ZDBF2: variants seen among roughly 807,000 people sequenced by gnomAD.
The protein encoded by ZDBF2 is zinc finger DBF-type containing 2.
ZDBF2 carries 6 observed loss-of-function variants against 9.4 expected under a neutral mutation model. The ratio of observed to expected loss-of-function variants is 0.64; its 90% CI spans 0.35 to 1.27. The LOEUF (loss-of-function observed/expected upper bound fraction) is 1.27, where lower values mean the gene tolerates loss of function less well. ZDBF2 is among the 50% of genes most tolerant of loss of function. The pLI is 0.03. For synonymous variants in ZDBF2, 905 were observed against 946.3 expected (o/e 0.96, Z 0.80); for missense variants, 2,697 against 2,766.8 (o/e 0.97, Z 0.57).
At chr2:206,284,750 A>G (rs184763314) in intron 3 of ZDBF2, among the ~76,000 whole-genome samples, 1 of 152,256 alleles carries the variant, frequency 6.6e-6, no homozygotes, top group East Asian at 1.9e-4. Flanking sequence ...TGTGTGTGAG[A>G]TGGAGTCTTG....
chr2:206,288,618 C>T (rs1296277008), intron 3 of ZDBF2, among the ~76,000 whole-genome samples: 3 of 152,096 alleles, frequency 2.0e-5, no homozygotes, highest in African/African-American at 7.3e-5. Flanking sequence ...CCTATTGTTG[C>T]ACTTGGATCT....
At chr2:206,300,697 C>T (rs574155684) in intron 4 of ZDBF2, among the ~76,000 whole-genome samples, 2 of 152,064 alleles carry the variant, frequency 1.3e-5, no homozygotes, top group Admixed American at 6.6e-5. Context: ...ATGTAAATAC[C>T]TTGTTTCTTA....
Position 206,310,448 on chromosome 2 carries a change from C to A in ZDBF2, c.5920C>A (p.Arg1974Ser). 1.2e-6 allele frequency: 2 copies of A among 1,613,846 alleles called. No homozygotes were observed. Among genetic ancestry groups the A allele is most frequent in the Non-Finnish European group, 1.7e-6 (2 of 1,179,864 alleles). ...EEDPPKSKCS[R>S]LQDDRKTKKK... ...AGACCCACCAAAAAGTAAGTGTTCA[C>A]GTTTACAGGATGACAGAAAAACCAA... The change falls in exon 5 of 5, where the codon CGT (arginine) becomes AGT (serine). Residue 1974 changes from arginine to serine, a missense_variant. Physicochemically the swap from Arg to Ser is moderately radical, Grantham distance 110. This residue lies in a region of ZDBF2 where 1,783 missense variants were observed against 1,776.5 expected (regional missense o/e 1.00). Transcript: ENST00000374423.
At chr2:206,278,537 C>T (rs1375128888) in intron 1 of ZDBF2, among the ~76,000 whole-genome samples, 1 of 152,208 alleles carries the variant, frequency 6.6e-6, no homozygotes, top group Non-Finnish European at 1.5e-5. Context: ...CTTTTGAATA[C>T]TACCATGTCA....
intron 1 of ZDBF2, among the ~76,000 whole-genome samples, chr2:206,277,850 G>A (rs181671723): frequency 1.1e-4 from 16 of 152,144 alleles, no homozygotes; most frequent in Admixed American, 2.6e-4. Context: ...GGTTATGTGT[G>A]CATTTAAAAA....
At chr2:206,285,799 T>C (rs553056329) in intron 3 of ZDBF2, among the ~76,000 whole-genome samples, 2 of 152,182 alleles carry the variant, frequency 1.3e-5, no homozygotes, top group African/African-American at 4.8e-5. Flanking sequence ...TATATGTCTT[T>C]AATACATTTT....
chr2:206,290,832 A>C (rs763808816), intron 3 of ZDBF2, among the ~76,000 whole-genome samples: 26 of 151,966 alleles, frequency 1.7e-4, no homozygotes, highest in Non-Finnish European at 3.5e-4. Context: ...GGATGCCATT[A>C]TTTCTTTTTC....
At chr2:206,281,993 T>G (rs1691345890) in intron 3 of ZDBF2, 84 bp downstream of exon 3, 1 of 1,222,224 alleles carries the variant, frequency 8.2e-7, no homozygotes, top group Non-Finnish European at 1.2e-6. Flanking sequence ...AATTTATTTA[T>G]TCATTGAACA....
rs201802013 is a variant in ZDBF2, at chr2:206,310,646, C to T, written c.6118C>T (p.Arg2040Trp). The change falls in exon 5 of 5, where the codon CGG (arginine) becomes TGG (tryptophan). Residue 2040 changes from arginine (R) to tryptophan (W), a missense_variant. Physicochemically the swap from Arg to Trp is moderately radical, Grantham distance 101. This residue lies in a region of ZDBF2 where 1,783 missense variants were observed against 1,776.5 expected (regional missense o/e 1.00). Coordinates refer to ENST00000374423, the MANE Select transcript of ZDBF2 (RefSeq NM_020923.3). Reference protein sequence around the residue: ...MRHHSWDNDIRFICKYKRNIF... With the variant: ...MRHHSWDNDIWFICKYKRNIF... The stretch of plus-strand genomic sequence containing the variant: ...GCACCATAGTTGGGATAATGATATT[C>T]GGTTTATATGCAAATATAAACGGAA... The T allele has an allele frequency of 2.0e-3, 3,267 of 1,609,080 alleles. 9 individuals carry two copies. The highest frequency in any genetic ancestry group is 2.4e-3 in the Non-Finnish European group (2,803 of 1,177,310).
chr2:206,308,890 A>G lies in ZDBF2; in HGVS notation c.4362A>G (p.Ile1454Met), dbSNP rs1472853679. 1 of 1,612,634 alleles carries G rather than the reference A, an allele frequency of 6.2e-7. No individual in the cohort carries two copies. Among genetic ancestry groups the G allele is most frequent in the Non-Finnish European group, 8.5e-7 (1 of 1,179,416 alleles). Reference sequence around the variant, plus strand: ...ACTGTGAAGTCTGTGGTTCTGAAATAAAATGTCATTCTTGTGTTCATCTTC... The same window carrying G: ...ACTGTGAAGTCTGTGGTTCTGAAATGAAATGTCATTCTTGTGTTCATCTTC... The part of the protein sequence containing the change: ...NKNCEVCGSE[I>M]KCHSCVHLQS... The change falls in exon 5 of 5, where the codon ATA becomes ATG. Residue 1454 changes from isoleucine to methionine, a missense_variant. Ile to Met is a conservative substitution (Grantham distance 10). This residue lies in a region of ZDBF2 where 1,783 missense variants were observed against 1,776.5 expected (regional missense o/e 1.00). Transcript: ENST00000374423.
In ZDBF2 at chr2:206,309,345, G is replaced by C. The variant is rs761531271; in HGVS notation, c.4817G>C (p.Arg1606Pro). ...AAAGAGACTTTCAAAATAATAAACC[G>C]GAAGAAGGACTATATTATTCTGGGA... ...QCKETFKIIN[R>P]KKDYIILGEP... The change falls in exon 5 of 5, where the codon CGG becomes CCG. Residue 1606 changes from arginine (R) to proline (P), a missense_variant. Physicochemically the swap from Arg to Pro is moderately radical, Grantham distance 103 (BLOSUM62 -2). This residue lies in a region of ZDBF2 where 1,783 missense variants were observed against 1,776.5 expected (regional missense o/e 1.00). Transcript: ENST00000374423. 1.2e-6 allele frequency: 2 copies of C among 1,612,786 alleles called. 1 individual carries two copies. Among genetic ancestry groups the C allele is most frequent in the South Asian group, 2.2e-5 (2 of 90,866 alleles).
rs202080968 is a variant in ZDBF2, at chr2:206,308,640, A to G, written c.4112A>G (p.Asn1371Ser). ...SYSPEESSDS[N>S]DSFQAAADEL... ...AGTCCTGAAGAAAGTTCTGATTCCA[A>G]TGACTCTTTTCAGGCAGCAGCAGAT... The change falls in exon 5 of 5, where the codon AAT (asparagine) becomes AGT (serine). Residue 1371 changes from asparagine to serine, a missense_variant. By Grantham distance (46) the Asn-to-Ser change is conservative. Coordinates refer to ENST00000374423, the MANE Select transcript of ZDBF2 (RefSeq NM_020923.3). The G allele has an allele frequency of 1.6e-4, 254 of 1,612,724 alleles. No homozygotes were observed. The highest frequency in any genetic ancestry group is 1.2e-3 in the African/African-American group (88 of 75,074).
chr2:206,308,987 G>A lies in ZDBF2; in HGVS notation c.4459G>A (p.Glu1487Lys), dbSNP rs1434752975. The A allele has an allele frequency of 6.2e-7, 1 of 1,613,768 alleles. No individual in the cohort carries two copies. Among genetic ancestry groups the A allele is most frequent in the South Asian group, 1.1e-5 (1 of 91,054 alleles). The part of the protein sequence containing the change: ...DLQKEEHVVM[E>K]EKTDQPSDSE... Reference sequence around the variant, plus strand: ...TCAGAAGGAAGAGCATGTTGTCATGGAAGAAAAGACCGATCAACCTAGTGA... The same window carrying A: ...TCAGAAGGAAGAGCATGTTGTCATGAAAGAAAAGACCGATCAACCTAGTGA... The change falls in exon 5 of 5, where the codon GAA becomes AAA. Residue 1487 changes from glutamate to lysine, a missense_variant. Physicochemically the swap from Glu to Lys is moderately conservative, Grantham distance 56. Around this residue, in one of 3 missense-constraint regions of ZDBF2, gnomAD observed 1,783 missense variants for 1,776.5 expected, o/e 1.00. Transcript: ENST00000374423.
At chr2:206,276,168 G>A (rs988299690) in intron 1 of ZDBF2, among the ~76,000 whole-genome samples, 3 of 152,144 alleles carry the variant, frequency 2.0e-5, no homozygotes, top group African/African-American at 4.8e-5. Context: ...TGTAATGAGA[G>A]TATTGTTTTG....
intron 3 of ZDBF2, chr2:206,291,915 C>T (rs1475922400): frequency 2.5e-6 from 1 of 392,898 alleles, no homozygotes; most frequent in African/African-American, 2.1e-5. Context: ...AAACAACTGC[C>T]ACCTAGAATT....
intron 3 of ZDBF2, among the ~76,000 whole-genome samples, chr2:206,287,153 C>T (rs73983010): frequency 5.3e-4 from 81 of 152,254 alleles, no homozygotes; most frequent in African/African-American, 1.9e-3. Flanking sequence ...CTTTGCATGT[C>T]TGTTCTACCA....
At chr2:206,286,572 A>T (rs973249958) in intron 3 of ZDBF2, among the ~76,000 whole-genome samples, 1 of 151,940 alleles carries the variant, frequency 6.6e-6, no homozygotes, top group African/African-American at 2.4e-5. Context: ...TAAAAAAAAA[A>T]AAATAAAAGA....
chr2:206,307,269 C>T lies in ZDBF2; in HGVS notation c.2741C>T (p.Ser914Phe). 6.2e-7 allele frequency: 1 copy of T among 1,607,166 alleles called. No homozygotes were observed. Among genetic ancestry groups the T allele is most frequent in the Non-Finnish European group, 8.5e-7 (1 of 1,178,114 alleles). Residue 914 changes from serine (S) to phenylalanine (F), a missense_variant, in exon 5 of 5, where the codon TCT (serine) becomes TTT (phenylalanine). This residue lies in a region of ZDBF2 where 1,783 missense variants were observed against 1,776.5 expected (regional missense o/e 1.00). Transcript: ENST00000374423. ...LENKENEPID[S>F]EVSLDYNIIF... ...AATAAGGAAAATGAACCTATTGATTCTGAAGTAAGTTTGGATTATAATATC... is the reference window on the plus strand; with the variant it reads ...AATAAGGAAAATGAACCTATTGATTTTGAAGTAAGTTTGGATTATAATATC...
chr2:206,282,002 C>A, intron 3 of ZDBF2, 93 bp downstream of exon 3: 2 of 1,161,022 alleles, frequency 1.7e-6, no homozygotes, highest in Non-Finnish European at 2.4e-6. Flanking sequence ...ATTCATTGAA[C>A]AGATCATATT....
Sources: gnomAD v4.1 joint callset for allele counts (sites outside exome capture counted in the v4.1 genomes callset) on GRCh38, gnomAD v4.1.1 for gene constraint, gnomAD v4.1.1 regional missense constraint, MANE v1.5 for transcripts, NCBI Gene and HGNC (gene_info 2026-07-23, HGNC 2026-07-21) for gene names.